ELMO1: variants seen among roughly 807,000 people sequenced by gnomAD.
ELMO1 encodes the protein engulfment and cell motility 1, also known as engulfment and cell motility protein 1.
A neutral mutation model predicts 98.9 loss-of-function variants in ELMO1; 26 were observed. The observed-to-expected ratio is 0.26, with a 90% CI of 0.19 to 0.36. The LOEUF (loss-of-function observed/expected upper bound fraction) is 0.36, where lower values mean the gene tolerates loss of function less well. Among genes scored for constraint, ELMO1 ranks in the 10% least tolerant of loss-of-function variants. The probability of loss-of-function intolerance (pLI) is 1.00; values close to 1 mark genes in which losing one functional copy is unlikely to be tolerated. For missense variants in ELMO1, 627 were observed against 935.2 expected, an observed-to-expected ratio of 0.67 and a Z score of 4.30; for synonymous variants, 346 against 346.0, an observed-to-expected ratio of 1.00 and a Z score of 0.00.
chr7:37,349,094 G>A (rs999040000), intron 1 of ELMO1, among the ~76,000 whole-genome samples: 9 of 152,132 alleles, frequency 5.9e-5, no homozygotes, highest in African/African-American at 2.2e-4. Context: ...CCAACAGATG[G>A]GCCAGTGGAG....
intron 18 of ELMO1, among the ~76,000 whole-genome samples, chr7:36,886,066 C>T (rs1194097588): frequency 6.6e-6 from 1 of 152,192 alleles, no homozygotes; most frequent in Admixed American, 6.5e-5. Flanking sequence ...GCCCTGTGGT[C>T]TTCTTGGAAC....
At chr7:36,922,741 C>T (rs955453495) in intron 16 of ELMO1, among the ~76,000 whole-genome samples, 7 of 152,174 alleles carry the variant, frequency 4.6e-5, no homozygotes, top group Admixed American at 1.3e-4. Flanking sequence ...CATGTGGATG[C>T]TACACTCAGC....
chr7:37,033,780 G>A lies in ELMO1; in HGVS notation c.1301-20345C>T, dbSNP rs191674291. On this transcript the variant is annotated intron_variant, in intron 15 of 21. Coordinates refer to ENST00000310758, the MANE Select transcript of ELMO1 (RefSeq NM_014800.11). ...TCAGAATTGATCCCTAAAGAACTGC[G>A]AAGAGATGTGGAGGAAACTAAGAGA... 2.5e-3 allele frequency among the ~76,000 whole-genome samples: 385 copies of A among 152,286 alleles called. 2 individuals are homozygous for A. The highest frequency in any genetic ancestry group is 3.9e-3 in the Non-Finnish European group (265 of 68,006).
intron 13 of ELMO1, among the ~76,000 whole-genome samples, chr7:37,191,467 T>G (rs1791571300): frequency 6.6e-6 from 1 of 152,220 alleles, no homozygotes; most frequent in Non-Finnish European, 1.5e-5. Flanking sequence ...TCTTATATTT[T>G]GACCGACCCA....
chr7:37,350,439 C>G (rs1482996033), intron 1 of ELMO1, among the ~76,000 whole-genome samples: 1 of 152,232 alleles, frequency 6.6e-6, no homozygotes, highest in Non-Finnish European at 1.5e-5. Flanking sequence ...GGCTAGGGGA[C>G]AGCTGCCAGA....
At chr7:37,197,383 A>T (rs1792026252) in intron 13 of ELMO1, among the ~76,000 whole-genome samples, 1 of 152,214 alleles carries the variant, frequency 6.6e-6, no homozygotes, top group Admixed American at 6.5e-5. Context: ...CCACGCCATG[A>T]AGCCAGCTCC....
chr7:37,332,227 T>C (rs948111679), intron 2 of ELMO1, among the ~76,000 whole-genome samples: 2 of 152,264 alleles, frequency 1.3e-5, no homozygotes, highest in Non-Finnish European at 2.9e-5. Flanking sequence ...TGTAATAATG[T>C]ATTTAGAATA....
chr7:37,320,409 C>G lies in ELMO1; in HGVS notation c.79-4449G>C, dbSNP rs3847013. 6.6e-5 allele frequency among the ~76,000 whole-genome samples: 10 copies of G among 151,892 alleles called. No homozygotes were observed. The East Asian group carries it at 1.7e-3, about 26-fold the overall frequency. On this transcript the variant is annotated intron_variant, in intron 2 of 21. Transcript: ENST00000310758. ...GATCTTTATGGTGAGTCACCAAAAA[C>G]AAACAAACAAAAAAAAATCCCATCT...
chr7:37,417,775 G>A (rs1440340172), intron 1 of ELMO1, among the ~76,000 whole-genome samples: 1 of 152,204 alleles, frequency 6.6e-6, no homozygotes, highest in African/African-American at 2.4e-5. Flanking sequence ...CTGTGAGGCA[G>A]AGGTTGCAGT....
chr7:37,232,740 C>T (rs1294624866), intron 8 of ELMO1, among the ~76,000 whole-genome samples: 1 of 152,102 alleles, frequency 6.6e-6, no homozygotes, highest in Non-Finnish European at 1.5e-5. Context: ...TCCCTGGACA[C>T]CAGGTTGGGG....
chr7:37,165,481 A>G (rs1383001461), intron 13 of ELMO1, among the ~76,000 whole-genome samples: 2 of 152,088 alleles, frequency 1.3e-5, no homozygotes, highest in Admixed American at 6.5e-5. Flanking sequence ...GTTTGTCATA[A>G]ATAGCTCTTA....
At chr7:37,219,858 C>T (rs1003895753) in intron 10 of ELMO1, among the ~76,000 whole-genome samples, 2 of 152,244 alleles carry the variant, frequency 1.3e-5, no homozygotes. Flanking sequence ...CACTGCTTGG[C>T]ACATGCCAGA....
chr7:37,385,940 G>T (rs1287975779), intron 1 of ELMO1, among the ~76,000 whole-genome samples: 1 of 152,230 alleles, frequency 6.6e-6, no homozygotes, highest in African/African-American at 2.4e-5. Flanking sequence ...GTGCTCCACA[G>T]CTGACTGTGA....
At chr7:37,373,558 G>A (rs187058866) in intron 1 of ELMO1, among the ~76,000 whole-genome samples, 113 of 151,070 alleles carry the variant, frequency 7.5e-4, no homozygotes, top group African/African-American at 2.6e-3. Context: ...GTGGTGAGCC[G>A]AGATCATCCC....
At chr7:37,139,948 T>TA in intron 13 of ELMO1, among the ~76,000 whole-genome samples, 1 of 150,860 alleles carries the variant, frequency 6.6e-6, no homozygotes, top group Non-Finnish European at 1.5e-5. Context: ...ACAAAGAAAA[T>TA]AAAAAAATAA....
rs10649292 is a variant in ELMO1, at chr7:37,130,757, T to TTG, written c.1191+2371_1191+2372dup. ...AATATTTGTGCATATATACATGTGT[T>TTG]TGTGTGTGTGTGTGTGTGTTACAAT... On this transcript the variant is annotated intron_variant, in intron 14 of 21. Coordinates refer to ENST00000310758, the MANE Select transcript of ELMO1 (RefSeq NM_014800.11). Among the ~76,000 whole-genome samples, 894 of 150,784 alleles carry TTG rather than the reference T, an allele frequency of 5.9e-3. 3 individuals carry two copies. The highest frequency in any genetic ancestry group is 0.013 in the South Asian group (64 of 4,754).
chr7:37,091,763 C>T (rs1784106739), intron 15 of ELMO1, among the ~76,000 whole-genome samples: 1 of 152,262 alleles, frequency 6.6e-6, no homozygotes, highest in Non-Finnish European at 1.5e-5. Flanking sequence ...CACCACGTGG[C>T]TGGGGAGGCC....
At chr7:37,195,790 C>T (rs999393504) in intron 13 of ELMO1, among the ~76,000 whole-genome samples, 1 of 152,208 alleles carries the variant, frequency 6.6e-6, no homozygotes, top group Non-Finnish European at 1.5e-5. Flanking sequence ...CTCCATTTTC[C>T]AGCCCTTTCC....
chr7:36,909,260 G>C (rs1784180236), intron 16 of ELMO1, among the ~76,000 whole-genome samples: 2 of 152,120 alleles, frequency 1.3e-5, no homozygotes, highest in African/African-American at 2.4e-5. Flanking sequence ...AAATAAGAAA[G>C]GTGTTTATTA....
Sources: allele counts gnomAD v4.1 joint callset (sites outside exome capture counted in the v4.1 genomes callset), GRCh38; gene constraint gnomAD v4.1.1; transcripts MANE v1.5; gene names NCBI Gene and HGNC (gene_info 2026-07-23, HGNC 2026-07-21).